TAFA2: variants seen among roughly 807,000 people sequenced by gnomAD.
TAFA2 encodes the protein chemokine-like protein TAFA-2.
Under a neutral mutation model 18.8 loss-of-function variants are expected in TAFA2, and 7 were observed. That is an observed-to-expected ratio of 0.37 (90% CI 0.21 to 0.70). TAFA2 has a LOEUF of 0.70. Ranked by LOEUF, TAFA2 falls within the 30% of genes least tolerant of loss-of-function variation. The pLI is 0.53. For missense variants in TAFA2, 122 were observed against 158.1 expected (o/e 0.77, Z 1.23); for synonymous variants, 60 against 54.2 (o/e 1.11, Z -0.47).
intron 2 of TAFA2, among the ~76,000 whole-genome samples, chr12:61,858,568 C>T (rs1343424580): frequency 6.6e-6 from 1 of 151,954 alleles, no homozygotes; most frequent in African/African-American, 2.4e-5. Flanking sequence ...TCCAAGAACT[C>T]TAAAAATGGG....
chr12:62,153,788 C>T (rs946684263), intron 1 of TAFA2, among the ~76,000 whole-genome samples: 2 of 152,120 alleles, frequency 1.3e-5, no homozygotes, highest in Non-Finnish European at 1.5e-5. Context: ...CACTTAGGTG[C>T]TGTGTGCTCT....
intron 4 of TAFA2, among the ~76,000 whole-genome samples, chr12:61,738,380 G>A (rs77403543): frequency 0.019 from 2,853 of 149,298 alleles, 98 homozygotes; most frequent in African/African-American, 0.066. Flanking sequence ...AGTTAACAAA[G>A]CATTTTTAAA....
chr12:62,074,860 C>T (rs1373750430), intron 1 of TAFA2, among the ~76,000 whole-genome samples: 1 of 152,028 alleles, frequency 6.6e-6, no homozygotes, highest in Non-Finnish European at 1.5e-5. Context: ...CACCACCACA[C>T]CCAGCTAATT....
intron 1 of TAFA2, among the ~76,000 whole-genome samples, chr12:62,237,971 G>A (rs1333039513): frequency 6.6e-6 from 1 of 151,536 alleles, no homozygotes; most frequent in Non-Finnish European, 1.5e-5. Flanking sequence ...ATAAAGAGCA[G>A]AGTTTCATGA....
At chr12:62,031,751 C>T (rs368794584) in intron 1 of TAFA2, among the ~76,000 whole-genome samples, 7 of 152,164 alleles carry the variant, frequency 4.6e-5, no homozygotes, top group Non-Finnish European at 8.8e-5. Context: ...AAAAACCCTA[C>T]GACCTCCATG....
chr12:61,771,785 A>G (rs1262771428), intron 2 of TAFA2, among the ~76,000 whole-genome samples: 1 of 151,850 alleles, frequency 6.6e-6, no homozygotes, highest in Non-Finnish European at 1.5e-5. Flanking sequence ...AGTCTGAAAG[A>G]GCACAAATAA....
At chr12:61,730,694 A>C (rs1405475096) in intron 4 of TAFA2, among the ~76,000 whole-genome samples, 3 of 151,982 alleles carry the variant, frequency 2.0e-5, no homozygotes, top group Non-Finnish European at 4.4e-5. Context: ...AAGTGGGGAA[A>C]GTTGGCAGTG....
At chr12:61,736,126 G>A (rs1445018633) in intron 4 of TAFA2, among the ~76,000 whole-genome samples, 1 of 151,900 alleles carries the variant, frequency 6.6e-6, no homozygotes, top group Non-Finnish European at 1.5e-5. Context: ...GGCAGAGTCT[G>A]CTGGGTTCTG....
intron 1 of TAFA2, among the ~76,000 whole-genome samples, chr12:62,144,039 C>T (rs2136910700): frequency 9.4e-6 from 1 of 106,604 alleles, no homozygotes; most frequent in Admixed American, 1.2e-4. Flanking sequence ...CAGAGTGAGA[C>T]CCTATCTTAA....
In TAFA2 at chr12:61,808,025, G is replaced by A. The variant is rs890313030; in HGVS notation, c.107-53001C>T. Among the ~76,000 whole-genome samples, 40 of 151,694 alleles carry A rather than the reference G, an allele frequency of 2.6e-4. 2 individuals carry two copies. Among genetic ancestry groups the A allele is most frequent in the African/African-American group, 9.3e-4 (38 of 40,974 alleles). On this transcript the variant is annotated intron_variant, in intron 2 of 4. Transcript: ENST00000416284. ...TAAGACTTTGGAGGACTATTGGGAA[G>A]GCAAGATTGGTTTTCAAATGAAAAA...
chr12:61,877,628 A>G (rs890840726), intron 1 of TAFA2, among the ~76,000 whole-genome samples: 1 of 152,082 alleles, frequency 6.6e-6, no homozygotes, highest in African/African-American at 2.4e-5. Flanking sequence ...CTTAAAACCT[A>G]CTGACCTTAT....
In TAFA2 at chr12:61,925,301, T is replaced by C. The variant is rs555724870; in HGVS notation, c.-1-57875A>G. Among the ~76,000 whole-genome samples the C allele has an allele frequency of 2.6e-5, 4 of 152,248 alleles. No individual in the cohort carries two copies. In the South Asian group the frequency reaches 6.2e-4, roughly 24 times the overall value. The stretch of plus-strand genomic sequence containing the variant: ...AATATACATTCTTCTCAGCACCATA[T>C]AGCACTTATTATAAAATTGACCACA... On this transcript the variant is annotated intron_variant, in intron 1 of 4. Transcript: ENST00000416284.
rs143490241 is a variant in TAFA2 at position 61,877,070 on chromosome 12, A to G, written c.-1-9644T>C. ...AGATTTTAATATAACAAAGTACCAT[A>G]CTCAGCTTTCAGCTAACAGCTTAAG... On this transcript the variant is annotated intron_variant, in intron 1 of 4. Transcript: ENST00000416284. 3.7e-3 allele frequency among the ~76,000 whole-genome samples: 558 copies of G among 152,322 alleles called. 4 individuals are homozygous for G. The highest frequency in any genetic ancestry group is 6.4e-3 in the Non-Finnish European group (435 of 68,018).
intron 1 of TAFA2, among the ~76,000 whole-genome samples, chr12:61,948,847 G>A (rs1878369691): frequency 6.6e-6 from 1 of 152,178 alleles, no homozygotes; most frequent in Non-Finnish European, 1.5e-5. Context: ...TACACCCATA[G>A]TGTGAGCTAA....
chr12:62,237,499 C>G (rs1435239148), intron 1 of TAFA2, among the ~76,000 whole-genome samples: 1 of 152,194 alleles, frequency 6.6e-6, no homozygotes, highest in Non-Finnish European at 1.5e-5. Context: ...ATTTCTTGAT[C>G]TGGGAGCTTA....
At chr12:62,160,862 AG>A (rs1346085025) in intron 1 of TAFA2, among the ~76,000 whole-genome samples, 1 of 152,166 alleles carries the variant, frequency 6.6e-6, no homozygotes, top group Non-Finnish European at 1.5e-5. Flanking sequence ...TATCCAGTCC[AG>A]TGCTGGTGCC....
intron 1 of TAFA2, among the ~76,000 whole-genome samples, chr12:61,945,760 G>A (rs1878241456): frequency 7.1e-6 from 1 of 141,010 alleles, no homozygotes; most frequent in South Asian, 2.3e-4. Flanking sequence ...GGATGTGAAG[G>A]ACCTCTTCAA....
chr12:61,721,828 T>C (rs1869914482), intron 4 of TAFA2, among the ~76,000 whole-genome samples: 1 of 151,914 alleles, frequency 6.6e-6, no homozygotes, highest in Non-Finnish European at 1.5e-5. Flanking sequence ...GTGGTGGCGG[T>C]TGCCTGATCC....
rs372687730 is a variant in TAFA2 at position 61,862,252 on chromosome 12, A to ATTCT, written c.106+5064_106+5067dup. On this transcript the variant is annotated intron_variant, in intron 2 of 4. Transcript: ENST00000416284. ...TGCTTCCAAGGGGGAAACACTGCTC[A>ATTCT]TTCTGACTGGCTGTCACAATACTCT... 7.5e-3 allele frequency among the ~76,000 whole-genome samples: 1,137 copies of ATTCT among 152,352 alleles called. 13 individuals carry two copies. The highest frequency in any genetic ancestry group is 0.025 in the African/African-American group (1,060 of 41,584).
Sources: allele counts gnomAD v4.1 joint callset (sites outside exome capture counted in the v4.1 genomes callset), GRCh38; gene constraint gnomAD v4.1.1; transcripts MANE v1.5; gene names NCBI Gene and HGNC (gene_info 2026-07-23, HGNC 2026-07-21).